The following PTPRG variants were observed in gnomAD, a reference collection of about 807,000 sequenced individuals.
PTPRG encodes the protein receptor-type tyrosine-protein phosphatase gamma.
In PTPRG, 102 loss-of-function variants were observed where a neutral mutation model predicts 165.3. The ratio of observed to expected loss-of-function variants is 0.62; its 90% CI spans 0.53 to 0.73. PTPRG has a LOEUF of 0.73. Among genes scored for constraint, PTPRG ranks in the 30% least tolerant of loss-of-function variants. The probability of loss-of-function intolerance (pLI) is 0.00; values close to 1 mark genes in which losing one functional copy is unlikely to be tolerated. For missense variants in PTPRG, 1,866 were observed against 1,861.4 expected (o/e 1.00, Z -0.05); for synonymous variants, 675 against 669.5 (o/e 1.01, Z -0.13).
chr3:62,071,481 T>C (rs1352493484), intron 4 of PTPRG, among the ~76,000 whole-genome samples: 1 of 152,202 alleles, frequency 6.6e-6, no homozygotes, highest in East Asian at 1.9e-4. Flanking sequence ...TAGTATTTGT[T>C]TAATAGATGC....
rs1432261251 is a variant in PTPRG, at chr3:62,210,162, C to T, written c.2155+6212C>T. 6.6e-6 allele frequency among the ~76,000 whole-genome samples: 1 copy of T among 152,162 alleles called. No individual in the cohort carries two copies. Among genetic ancestry groups the T allele is most frequent in the Non-Finnish European group, 1.5e-5 (1 of 68,030 alleles). ...ATGAAATGGTAAGGGAGCACTTATT[C>T]ACAGGAACTCTTGGCAGTGATATAA... On this transcript the variant is annotated intron_variant, in intron 12 of 29. Coordinates refer to ENST00000474889, the MANE Select transcript of PTPRG (RefSeq NM_002841.4). This position sits in a 1 kb window ranked among gnomAD's most constrained non-coding sequence, Gnocchi z 4.1.
intron 14 of PTPRG, among the ~76,000 whole-genome samples, chr3:62,232,824 A>G (rs1437103139): frequency 6.6e-6 from 1 of 152,222 alleles, no homozygotes; most frequent in Non-Finnish European, 1.5e-5. Context: ...ACAGGTATTT[A>G]TAGAATCCCT....
Position 62,252,121 on chromosome 3 carries a change from C to T in PTPRG, c.2468-3003C>T, listed in dbSNP as rs1009897803. ...TTCCTTTATGCTTCTCCCACCACCA[C>T]CACTGCATCAGTGACATTTACTCCC... On this transcript the variant is annotated intron_variant, in intron 15 of 29. Coordinates refer to ENST00000474889, the MANE Select transcript of PTPRG (RefSeq NM_002841.4). This position sits in a 1 kb window ranked among gnomAD's most constrained non-coding sequence, Gnocchi z 4.6. Among the ~76,000 whole-genome samples, 1 of 152,160 alleles carries T rather than the reference C, an allele frequency of 6.6e-6. No individual in the cohort carries two copies. Among genetic ancestry groups the T allele is most frequent in the Non-Finnish European group, 1.5e-5 (1 of 68,028 alleles).
chr3:62,281,027 G>T (rs1285597406), intron 26 of PTPRG, among the ~76,000 whole-genome samples: 2 of 152,114 alleles, frequency 1.3e-5, no homozygotes, highest in Non-Finnish European at 2.9e-5. Flanking sequence ...AAAAATGAAA[G>T]TGAGATGATG....
chr3:62,209,707 G>A (rs891612604), intron 12 of PTPRG, among the ~76,000 whole-genome samples: 2 of 152,160 alleles, frequency 1.3e-5, no homozygotes, highest in African/African-American at 2.4e-5. Context: ...AGGGTAGGCC[G>A]AAGGGGTTAT....
At chr3:61,663,217 G>C (rs1346928433) in intron 1 of PTPRG, among the ~76,000 whole-genome samples, 2 of 152,170 alleles carry the variant, frequency 1.3e-5, no homozygotes, top group Non-Finnish European at 2.9e-5. Flanking sequence ...TCCCATTCAT[G>C]TTTGGGAATG....
intron 2 of PTPRG, among the ~76,000 whole-genome samples, chr3:61,793,843 T>A (rs764874738): frequency 3.5e-4 from 53 of 152,176 alleles, no homozygotes; most frequent in Non-Finnish European, 6.0e-4. Flanking sequence ...GTGGTGAAAA[T>A]GACACTGTGA....
At chr3:62,247,860 G>T (rs1483736354) in intron 15 of PTPRG, among the ~76,000 whole-genome samples, 1 of 152,196 alleles carries the variant, frequency 6.6e-6, no homozygotes, top group Non-Finnish European at 1.5e-5. Context: ...ATTAAGGAAA[G>T]CTTTGCTAAC....
chr3:62,188,927 G>T (rs887462735), intron 8 of PTPRG, among the ~76,000 whole-genome samples: 1 of 152,148 alleles, frequency 6.6e-6, no homozygotes, highest in African/African-American at 2.4e-5. Flanking sequence ...TGGGGGTGTA[G>T]CTATTTCCTG....
intron 2 of PTPRG, among the ~76,000 whole-genome samples, chr3:61,949,507 G>A (rs78862723): frequency 0.045 from 6,839 of 152,152 alleles, 261 homozygotes; most frequent in African/African-American, 0.093. Context: ...TGTGCCACAT[G>A]CCTCAATGAG....
Position 61,953,063 on chromosome 3 carries a change from C to T in PTPRG, c.191-36562C>T, listed in dbSNP as rs1318007162. On this transcript the variant is annotated intron_variant, in intron 2 of 29. Coordinates refer to ENST00000474889, the MANE Select transcript of PTPRG (RefSeq NM_002841.4). ...ATCCAGCAATGACTTTTCTTAATTT[C>T]TCGCCCTTTCTACTTACCGTGCCCC... is the stretch of plus-strand genomic sequence containing the variant. Among the ~76,000 whole-genome samples the T allele has an allele frequency of 2.6e-5, 4 of 152,178 alleles. No homozygotes were observed. The East Asian group carries it at 7.7e-4, about 29-fold the overall frequency.
chr3:62,191,413 G>T (rs1289714064), intron 8 of PTPRG, 56 bp from the exon 9 acceptor site: 6 of 1,552,978 alleles, frequency 3.9e-6, no homozygotes, highest in African/African-American at 1.4e-5. Context: ...TAGGGGCACG[G>T]ATTGAATGGC....
chr3:61,779,829 C>G (rs2034492703), intron 2 of PTPRG, among the ~76,000 whole-genome samples: 1 of 152,166 alleles, frequency 6.6e-6, no homozygotes, highest in South Asian at 2.1e-4. Flanking sequence ...ACTCTTTCCC[C>G]AAGGGCTCTA....
chr3:62,079,381 A>G lies in PTPRG; in HGVS notation c.615+1123A>G, dbSNP rs149495833. ...CACTGGTTTTCAAACAGTGGGTTCTATCTTACTGTTGAGCCATGAAATTAT... is the reference window on the plus strand; with the variant it reads ...CACTGGTTTTCAAACAGTGGGTTCTGTCTTACTGTTGAGCCATGAAATTAT... On this transcript the variant is annotated intron_variant, in intron 5 of 29. Coordinates refer to ENST00000474889, the MANE Select transcript of PTPRG (RefSeq NM_002841.4). Among the ~76,000 whole-genome samples, 60 of 152,326 alleles carry G rather than the reference A, an allele frequency of 3.9e-4. 2 individuals are homozygous for G. In the East Asian group the frequency reaches 6.4e-3, roughly 16 times the overall value.
intron 2 of PTPRG, among the ~76,000 whole-genome samples, chr3:61,892,491 A>T (rs2038240855): frequency 6.6e-6 from 1 of 152,176 alleles, no homozygotes; most frequent in East Asian, 1.9e-4. Flanking sequence ...CTGGGATTAC[A>T]GGCATGAGCC....
chr3:62,148,304 G>A (rs1398565709), intron 6 of PTPRG, among the ~76,000 whole-genome samples: 1 of 152,158 alleles, frequency 6.6e-6, no homozygotes, highest in Non-Finnish European at 1.5e-5. Flanking sequence ...GAGGCAGGTA[G>A]GTGGTCAGCA....
rs548014719 is a variant in PTPRG at position 62,297,184 on chromosome 3, A to G, written c.*3877A>G. The G allele has an allele frequency of 6.6e-6, 1 of 152,148 alleles. No individual in the cohort carries two copies. The highest frequency in any genetic ancestry group is 1.9e-4 in the East Asian group (1 of 5,186). The allele number at this position is 152,148 out of a possible 1,614,324, so 9.4% of individuals were successfully genotyped here. ...TATAATCATAGAATTTTATATTTTC[A>G]TATAAAGCTAATTTTTTTCTAGTTT... On this transcript the variant is annotated 3_prime_UTR_variant, in exon 30 of 30. Coordinates refer to ENST00000474889, the MANE Select transcript of PTPRG (RefSeq NM_002841.4).
intron 1 of PTPRG, among the ~76,000 whole-genome samples, chr3:61,593,403 A>G (rs1454818345): frequency 6.1e-5 from 1 of 16,412 alleles, no homozygotes; most frequent in African/African-American, 1.0e-4. Context: ...TGAATTGGAA[A>G]AAAAAAAAAA....
intron 8 of PTPRG, among the ~76,000 whole-genome samples, chr3:62,180,913 T>G (rs1399499016): frequency 6.6e-6 from 1 of 152,212 alleles, no homozygotes; most frequent in East Asian, 1.9e-4. Flanking sequence ...AGATACTGCC[T>G]ATTTCTGTTT....
Sources: gnomAD v4.1 joint callset for allele counts (sites outside exome capture counted in the v4.1 genomes callset) on GRCh38, gnomAD v4.1.1 for gene constraint, Gnocchi (gnomAD v3.1) non-coding constraint, MANE v1.5 for transcripts, NCBI Gene and HGNC (gene_info 2026-07-23, HGNC 2026-07-21) for gene names.